SERPINA10: variants seen among roughly 807,000 people sequenced by gnomAD.
SERPINA10 encodes the protein protein Z-dependent protease inhibitor.
In SERPINA10, 24 loss-of-function variants were observed where a neutral mutation model predicts 28.0. That is an observed-to-expected ratio of 0.86 (90% CI 0.62 to 1.20). SERPINA10 has a LOEUF of 1.20. Among genes scored for constraint, SERPINA10 ranks in the 50% most tolerant of loss-of-function variants. The probability of loss-of-function intolerance (pLI) is 0.00; values close to 1 mark genes in which losing one functional copy is unlikely to be tolerated. For missense variants in SERPINA10, 521 were observed against 537.7 expected, an observed-to-expected ratio of 0.97 and a Z score of 0.31; for synonymous variants, 207 against 203.9, an observed-to-expected ratio of 1.02 and a Z score of -0.13.
chr14:94,289,440 G>T (rs1257201897), intron 2 of SERPINA10, among the ~76,000 whole-genome samples: 1 of 152,200 alleles, frequency 6.6e-6, no homozygotes, highest in East Asian at 1.9e-4. Flanking sequence ...GCCCATCTGG[G>T]CACTTTACAT....
rs1894875290 is a variant in SERPINA10, at chr14:94,280,624, A to G, written c.*3341T>C. The G allele has an allele frequency of 1.3e-5, 2 of 152,240 alleles. No individual in the cohort carries two copies. The highest frequency in any genetic ancestry group is 1.5e-5 in the Non-Finnish European group (1 of 68,032). The allele number at this position is 152,240 out of a possible 1,614,324, so 9.4% of individuals were successfully genotyped here. On this transcript the variant is annotated 3_prime_UTR_variant, in exon 5 of 5. Transcript: ENST00000261994. ...AAGTTCTCAGTTTAACAACTTATCA[A>G]ATTAATCCTTTAAGCTAGTTGTATG...
chr14:94,289,796 T>C, intron 2 of SERPINA10, 80 bp downstream of exon 2: 2 of 1,415,022 alleles, frequency 1.4e-6, no homozygotes, highest in East Asian at 2.3e-5. Flanking sequence ...GCGTTAATCA[T>C]ATGCTGGCCT....
chr14:94,288,680 A>G, intron 2 of SERPINA10, 121 bp from the exon 3 acceptor site: 1 of 1,362,930 alleles, frequency 7.3e-7, no homozygotes, highest in East Asian at 2.4e-5. Flanking sequence ...TTCTCGTTCC[A>G]ACTAGGAAAG....
At chr14:94,292,723 C>A (rs969408836) in intron 1 of SERPINA10, 2 of 701,096 alleles carry the variant, frequency 2.9e-6, no homozygotes, top group African/African-American at 1.8e-5. Flanking sequence ...TCTACCCAAC[C>A]CTTTGGAGTC....
chr14:94,287,068 G>T (rs1406421234), intron 3 of SERPINA10, among the ~76,000 whole-genome samples: 1 of 152,048 alleles, frequency 6.6e-6, no homozygotes, highest in Non-Finnish European at 1.5e-5. Flanking sequence ...AATTTATTGG[G>T]CAGACATTTC....
intron 3 of SERPINA10, among the ~76,000 whole-genome samples, chr14:94,288,019 T>C (rs1386259263): frequency 6.6e-6 from 1 of 152,210 alleles, no homozygotes; most frequent in Non-Finnish European, 1.5e-5. Context: ...ATTTTGCCTG[T>C]TTTGTTTGCT....
At position 94,282,742 on chromosome 14, in the gene SERPINA10, T is replaced by C. The variant is rs1458805932; in HGVS notation, c.*1223A>G. 3 of 152,248 alleles carry C rather than the reference T, an allele frequency of 2.0e-5. No homozygotes were observed. Among genetic ancestry groups the C allele is most frequent in the Non-Finnish European group, 4.4e-5 (3 of 68,050 alleles). 9.4% of individuals were successfully genotyped at this position (152,248 alleles called of 1,614,324 possible). A position where few individuals can be genotyped will look rare whatever the true frequency, so the allele number is the denominator to read the frequency against. Reference sequence around the variant, plus strand: ...TGCTTATTGCCATATGCTAGACATATAACTTTGAAGCTAGATATGCAACTT... The same window carrying C: ...TGCTTATTGCCATATGCTAGACATACAACTTTGAAGCTAGATATGCAACTT... On this transcript the variant is annotated 3_prime_UTR_variant, in exon 5 of 5. Coordinates refer to ENST00000261994, the MANE Select transcript of SERPINA10 (RefSeq NM_001100607.3).
chr14:94,287,804 C>G (rs1010337688), intron 3 of SERPINA10, among the ~76,000 whole-genome samples: 2 of 152,202 alleles, frequency 1.3e-5, no homozygotes, highest in Admixed American at 6.5e-5. Context: ...CTGCCTGTAA[C>G]ATAACACTTC....
At chr14:94,286,946 C>T (rs1027979634) in intron 3 of SERPINA10, among the ~76,000 whole-genome samples, 26 of 152,120 alleles carry the variant, frequency 1.7e-4, no homozygotes, top group African/African-American at 6.0e-4. Context: ...TAAAACTAAC[C>T]CTGGGGACCT....
In SERPINA10 at chr14:94,281,592, A is replaced by G. The variant is rs140075202; in HGVS notation, c.*2373T>C. The stretch of plus-strand genomic sequence containing the variant: ...TTTTATTGGTCTGCGTTTTTCTGTC[A>G]TGCCTGTGTACTTGGGAAATCTGAA... On this transcript the variant is annotated 3_prime_UTR_variant, in exon 5 of 5. Coordinates refer to ENST00000261994, the MANE Select transcript of SERPINA10 (RefSeq NM_001100607.3). 4 of 152,314 alleles carry G rather than the reference A, an allele frequency of 2.6e-5. No individual in the cohort carries two copies. Among genetic ancestry groups the G allele is most frequent in the African/African-American group, 7.2e-5 (3 of 41,564 alleles). The allele number at this position is 152,314 out of a possible 1,614,324, so 9.4% of individuals were successfully genotyped here. A position where few individuals can be genotyped will look rare whatever the true frequency, so the allele number is the denominator to read the frequency against.
intron 1 of SERPINA10, chr14:94,292,615 G>A (rs1895207082): frequency 1.4e-6 from 1 of 701,560 alleles, no homozygotes; most frequent in South Asian, 1.5e-5. Context: ...TTACCTTCCT[G>A]TTCTTGGAGC....
In SERPINA10 at chr14:94,284,031, CATGAA is replaced by C; in HGVS notation, c.1264_1268del (p.Phe422AspfsTer3). ...GCATTCCAGAGGTTTCTTCATAGAT[CATGAA>C]ATGAAATGGCCGGTCCACTTTGATG... On this transcript the variant is annotated frameshift_variant, in exon 5 of 5. Transcript: ENST00000261994. LOFTEE classifies it high-confidence loss of function. 6 of 1,614,182 alleles carry C rather than the reference CATGAA, an allele frequency of 3.7e-6. No individual in the cohort carries two copies. The highest frequency in any genetic ancestry group is 1.3e-5 in the African/African-American group (1 of 75,042).
intron 3 of SERPINA10, 86 bp from the exon 4 acceptor site, chr14:94,286,344 G>C (rs1210231433): frequency 2.1e-6 from 3 of 1,461,840 alleles, no homozygotes; most frequent in Non-Finnish European, 2.9e-6. Context: ...TGTTCTTTAA[G>C]ATTATTTCCA....
At position 94,290,624 on chromosome 14, in the gene SERPINA10, C is replaced by G. The variant is rs1658121197; in HGVS notation, c.-31G>C. ...CGGCTGCGGAGGCCAAGGAGTGCCT[C>G]CCTTCAGCTGCAAGACTTCCTGTGG... On this transcript the variant is annotated 5_prime_UTR_variant, in exon 2 of 5. Coordinates refer to ENST00000261994, the MANE Select transcript of SERPINA10 (RefSeq NM_001100607.3). 4 of 1,610,640 alleles carry G rather than the reference C, an allele frequency of 2.5e-6. No homozygotes were observed. The highest frequency in any genetic ancestry group is 1.3e-5 in the African/African-American group (1 of 74,892).
intron 3 of SERPINA10, among the ~76,000 whole-genome samples, chr14:94,287,603 C>G (rs1208454829): frequency 6.6e-6 from 1 of 152,162 alleles, no homozygotes; most frequent in Non-Finnish European, 1.5e-5. Flanking sequence ...AAACAGAAGT[C>G]AAAATCAGGT....
intron 1 of SERPINA10, chr14:94,292,733 C>A: frequency 1.4e-6 from 1 of 699,710 alleles, no homozygotes; most frequent in South Asian, 1.5e-5. Context: ...CCTTTGGAGT[C>A]TAGGCCAGGA....
chr14:94,289,105 G>C (rs945350723), intron 2 of SERPINA10, among the ~76,000 whole-genome samples: 1 of 152,218 alleles, frequency 6.6e-6, no homozygotes, highest in South Asian at 2.1e-4. Flanking sequence ...CTACATAAAC[G>C]TCTGCCCTGG....
chr14:94,288,634 A>G, intron 2 of SERPINA10, 75 bp from the exon 3 acceptor site: 1 of 1,570,570 alleles, frequency 6.4e-7, no homozygotes. Flanking sequence ...AATAATAGAG[A>G]GGGAGCCTTC....
At position 94,283,787 on chromosome 14, in the gene SERPINA10, T is replaced by C; in HGVS notation, c.*178A>G. 1 of 642,378 alleles carries C rather than the reference T, an allele frequency of 1.6e-6. No homozygotes were observed. The highest frequency in any genetic ancestry group is 1.9e-5 in the South Asian group (1 of 52,848). The allele number at this position is 642,378 out of a possible 1,614,324, so 39.8% of individuals were successfully genotyped here. ...CACCGTTTCAGGCATCTGCTGGGGG[T>C]CTTTGAATGTATCCCCCTCAGATAA... On this transcript the variant is annotated 3_prime_UTR_variant, in exon 5 of 5. Coordinates refer to ENST00000261994, the MANE Select transcript of SERPINA10 (RefSeq NM_001100607.3).
Sources: allele counts gnomAD v4.1 joint callset (sites outside exome capture counted in the v4.1 genomes callset), GRCh38; gene constraint gnomAD v4.1.1; transcripts MANE v1.5; gene names NCBI Gene and HGNC (gene_info 2026-07-23, HGNC 2026-07-21).